COL4A2: variants seen among roughly 807,000 people sequenced by gnomAD.
The protein encoded by COL4A2 is collagen alpha-2(IV) chain.
A neutral mutation model predicts 200.2 loss-of-function variants in COL4A2; 99 were observed. The ratio of observed to expected loss-of-function variants is 0.49; its 90% CI spans 0.42 to 0.58. The LOEUF (loss-of-function observed/expected upper bound fraction) is 0.58, where lower values mean the gene tolerates loss of function less well. Ranked by LOEUF, COL4A2 falls within the 20% of genes least tolerant of loss-of-function variation. The pLI is 0.00. For synonymous variants in COL4A2, 897 were observed against 900.6 expected, an observed-to-expected ratio of 1.00 and a Z score of 0.07; for missense variants, 1,950 against 2,314.1, an observed-to-expected ratio of 0.84 and a Z score of 3.23.
At chr13:110,388,926 T>A (rs142327093) in intron 4 of COL4A2, among the ~76,000 whole-genome samples, 1 of 152,294 alleles carries the variant, frequency 6.6e-6, no homozygotes, top group African/African-American at 2.4e-5. Flanking sequence ...GGCTCCCCTG[T>A]CTCCACTCCT....
intron 4 of COL4A2, among the ~76,000 whole-genome samples, chr13:110,373,149 G>A (rs1878090343): frequency 6.6e-6 from 1 of 152,208 alleles, no homozygotes; most frequent in South Asian, 2.1e-4. Context: ...TGGGGTGTCT[G>A]ATCCACTTGA....
At chr13:110,354,893 G>A (rs1457404152) in intron 3 of COL4A2, among the ~76,000 whole-genome samples, 1 of 152,252 alleles carries the variant, frequency 6.6e-6, no homozygotes, top group African/African-American at 2.4e-5. Flanking sequence ...CTGGGCGGCA[G>A]TGGCAGAGTG....
rs74907716 is a variant in COL4A2 at position 110,412,513 on chromosome 13, G to T, written c.181-12221G>T. Among the ~76,000 whole-genome samples, 206 of 152,320 alleles carry T rather than the reference G, an allele frequency of 1.4e-3. 6 individuals carry two copies. The East Asian group carries it at 0.036, about 27-fold the overall frequency. On this transcript the variant is annotated intron_variant, in intron 4 of 47. Transcript: ENST00000360467. ...AACAGTAAAAAGACCAAACAAAAACGTGTCTTTTTTGGACCCAAGGTTGAA... is the reference window on the plus strand; with the variant it reads ...AACAGTAAAAAGACCAAACAAAAACTTGTCTTTTTTGGACCCAAGGTTGAA...
intron 3 of COL4A2, among the ~76,000 whole-genome samples, chr13:110,344,413 A>G (rs948226489): frequency 6.6e-6 from 1 of 152,230 alleles, no homozygotes; most frequent in East Asian, 1.9e-4. Context: ...GTAGCCAATG[A>G]GAGAATATTG....
At chr13:110,411,830 G>A (rs961384913) in intron 4 of COL4A2, among the ~76,000 whole-genome samples, 2 of 152,182 alleles carry the variant, frequency 1.3e-5, no homozygotes, top group South Asian at 2.1e-4. Flanking sequence ...CTTTTGAAAA[G>A]CCCCATATGA....
intron 4 of COL4A2, among the ~76,000 whole-genome samples, chr13:110,364,917 C>T (rs1372232571): frequency 6.6e-6 from 1 of 152,208 alleles, no homozygotes; most frequent in Admixed American, 6.5e-5. Flanking sequence ...ATCCTGTTCA[C>T]TAGCCACACC....
chr13:110,430,268 A>G, intron 8 of COL4A2, 133 bp from the exon 9 acceptor site: 1 of 1,037,510 alleles, frequency 9.6e-7, no homozygotes. Context: ...AATTAATATT[A>G]GTAAATTAAC....
rs1459373379 is a variant in COL4A2 at position 110,445,893 on chromosome 13, T to A, written c.1011+11T>A. On this transcript the variant is annotated intron_variant, in intron 17 of 47. Transcript: ENST00000360467. ...CCCCGGGGACCCAAGGTGAGCCCGTTTCTCATGTCTTTGCCACTTATGGTG... is the reference window on the plus strand; with the variant it reads ...CCCCGGGGACCCAAGGTGAGCCCGTATCTCATGTCTTTGCCACTTATGGTG... 6.2e-7 allele frequency: 1 copy of A among 1,614,144 alleles called. No individual in the cohort carries two copies. The highest frequency in any genetic ancestry group is 8.5e-7 in the Non-Finnish European group (1 of 1,179,984).
chr13:110,426,699 G>C (rs1020856344), intron 6 of COL4A2, among the ~76,000 whole-genome samples: 1 of 152,182 alleles, frequency 6.6e-6, no homozygotes, highest in African/African-American at 2.4e-5. Context: ...ACTCAGATTA[G>C]ATTGACATGC....
chr13:110,437,550 T>C (rs890008402), intron 13 of COL4A2, among the ~76,000 whole-genome samples: 1 of 152,250 alleles, frequency 6.6e-6, no homozygotes, highest in Non-Finnish European at 1.5e-5. Flanking sequence ...ATCTATGATA[T>C]TGACATGGCT....
chr13:110,450,592 TC>T, intron 20 of COL4A2, 138 bp downstream of exon 20: 1 of 1,007,644 alleles, frequency 9.9e-7, no homozygotes, highest in Non-Finnish European at 1.4e-6. Flanking sequence ...GTGCAGTGGA[TC>T]CAGGTAGATT....
chr13:110,489,808 C>T, intron 36 of COL4A2, 23 bp downstream of exon 36: 1 of 1,595,430 alleles, frequency 6.3e-7, no homozygotes, highest in Non-Finnish European at 8.5e-7. Flanking sequence ...TTTTCCTTGT[C>T]TTCATCTTCA....
chr13:110,430,569 G>A lies in COL4A2; in HGVS notation c.610G>A (p.Val204Met), dbSNP rs959464417. The A allele has an allele frequency of 3.1e-6, 5 of 1,614,234 alleles. No individual in the cohort carries two copies. Among genetic ancestry groups the A allele is most frequent in the East Asian group, 4.5e-5 (2 of 44,882 alleles). ...GGGACCTCCCGGCCGCCCTGGGCAT[G>A]TGGGACAGATGGGTCCAGTTGGAGC... ...FQGPPGRPGH[V>M]GQMGPVGAPG... Residue 204 changes from valine to methionine, a missense_variant, in exon 10 of 48, where the codon GTG (valine) becomes ATG (methionine). Transcript: ENST00000360467.
intron 39 of COL4A2, among the ~76,000 whole-genome samples, chr13:110,493,880 C>T (rs1269573250): frequency 6.6e-6 from 1 of 152,192 alleles, no homozygotes; most frequent in Non-Finnish European, 1.5e-5. Context: ...CCGCTCTCCC[C>T]TGTCACTTCT....
At chr13:110,441,493 A>G (rs1270421772) in intron 16 of COL4A2, among the ~76,000 whole-genome samples, 1 of 152,242 alleles carries the variant, frequency 6.6e-6, no homozygotes, top group Non-Finnish European at 1.5e-5. Flanking sequence ...AGCCAATGCC[A>G]GGCTTTGCCG....
chr13:110,333,309 T>C (rs1384182528), intron 3 of COL4A2, among the ~76,000 whole-genome samples: 2 of 152,200 alleles, frequency 1.3e-5, no homozygotes, highest in South Asian at 2.1e-4. Context: ...TTCCTATTCT[T>C]GGAAAACATT....
At chr13:110,342,637 A>G (rs1179025426) in intron 3 of COL4A2, among the ~76,000 whole-genome samples, 1 of 152,110 alleles carries the variant, frequency 6.6e-6, no homozygotes, top group Non-Finnish European at 1.5e-5. Flanking sequence ...GGTTCTACCC[A>G]TTTTTTAAAT....
chr13:110,410,326 T>A (rs762168366), intron 4 of COL4A2, among the ~76,000 whole-genome samples: 29 of 152,236 alleles, frequency 1.9e-4, no homozygotes, highest in Non-Finnish European at 1.8e-4. Context: ...TAATTCCACA[T>A]GTTCACGGTC....
intron 3 of COL4A2, among the ~76,000 whole-genome samples, chr13:110,317,037 C>T (rs115797761): frequency 0.08 from 12,056 of 151,442 alleles, 1,580 homozygotes; most frequent in African/African-American, 0.28. Context: ...TGCACACATA[C>T]ATGCATGCAC....
Sources: allele counts gnomAD v4.1 joint callset (sites outside exome capture counted in the v4.1 genomes callset), GRCh38; gene constraint gnomAD v4.1.1; transcripts MANE v1.5; gene names NCBI Gene and HGNC (gene_info 2026-07-23, HGNC 2026-07-21).